The following RHCE variants were observed in gnomAD, a reference collection of about 807,000 sequenced individuals.
RHCE encodes the protein Rh blood group CcEe antigens.
Under a neutral mutation model 43.8 loss-of-function variants are expected in RHCE, and 22 were observed. The observed-to-expected ratio is 0.50, with a 90% CI of 0.36 to 0.72. The LOEUF (loss-of-function observed/expected upper bound fraction) is 0.72. Among genes scored for constraint, RHCE ranks in the 30% least tolerant of loss-of-function variants. RHCE has a pLI of 0.00. For missense variants in RHCE, 385 were observed against 525.4 expected (o/e 0.73, Z 2.61); for synonymous variants, 156 against 210.7 (o/e 0.74, Z 2.25).
At chr1:25,385,925 C>A in intron 6 of RHCE, 81 bp from the exon 7 acceptor site, 1 of 1,608,324 alleles carries the variant, frequency 6.2e-7, no homozygotes, top group Non-Finnish European at 8.5e-7. Context: ...CCCTTGGTAT[C>A]CGGCGCCACC....
intron 6 of RHCE, among the ~76,000 whole-genome samples, chr1:25,386,523 T>C (rs557130560): frequency 6.6e-6 from 1 of 152,206 alleles, no homozygotes; most frequent in South Asian, 2.1e-4. Flanking sequence ...CCATTAGTCT[T>C]CAGAATAAAA....
In RHCE at chr1:25,388,692, C is replaced by G. The variant is rs376213950; in HGVS notation, c.939+284G>C. Among the ~76,000 whole-genome samples, 23 of 152,328 alleles carry G rather than the reference C, an allele frequency of 1.5e-4. No individual in the cohort carries two copies. In the South Asian group the frequency reaches 4.3e-3, roughly 29 times the overall value. On this transcript the variant is annotated intron_variant, in intron 6 of 9. Coordinates refer to ENST00000294413, the MANE Select transcript of RHCE (RefSeq NM_020485.8). ...AAAACAGGGGCTTCTGGGCTCCCCA[C>G]AACACTCCAGTCCCTGTCCTTGAGT...
chr1:25,418,800 T>C (rs2042678846), intron 1 of RHCE, among the ~76,000 whole-genome samples: 1 of 152,164 alleles, frequency 6.6e-6, no homozygotes, highest in Non-Finnish European at 1.5e-5. Flanking sequence ...GACACCATCG[T>C]CTCCCCTGCC....
intron 1 of RHCE, among the ~76,000 whole-genome samples, chr1:25,417,125 G>C (rs1269886720): frequency 7.5e-6 from 1 of 132,702 alleles, no homozygotes; most frequent in Non-Finnish European, 1.6e-5. Context: ...CTCTCTAACA[G>C]ATAGAGCCTT....
rs374591957 is a variant in RHCE, at chr1:25,392,043, C to A, written c.585G>T (p.Thr195=). 3.2e-5 allele frequency: 52 copies of A among 1,614,056 alleles called. No individual in the cohort carries two copies. Among genetic ancestry groups the A allele is most frequent in the Non-Finnish European group, 4.1e-5 (48 of 1,180,048 alleles). The change falls in exon 4 of 10, where the codon ACG becomes ACT. Residue 195 remains threonine (T), a synonymous_variant. Transcript: ENST00000294413. ...TCGTTGCTCTCTGATCATTATCCTC[C>A]GTTCCCTTGGGTAGAGGCTTTGGCA... is the stretch of plus-strand genomic sequence containing the variant. The part of the protein sequence containing the change: ...WCLPKPLPKG[T]EDNDQRATIP...
intron 2 of RHCE, among the ~76,000 whole-genome samples, chr1:25,404,883 A>T (rs1236935277): frequency 6.6e-6 from 1 of 151,986 alleles, no homozygotes; most frequent in Non-Finnish European, 1.5e-5. Flanking sequence ...AGATTTCAAA[A>T]TACATTAAAA....
rs116261244 is a variant in RHCE, at chr1:25,385,778, C to A, written c.1006G>T (p.Gly336Cys). 3,430 of 1,613,788 alleles carry A rather than the reference C, an allele frequency of 2.1e-3. 76 individuals carry two copies. The African/African-American group carries it at 0.041, about 19-fold the overall frequency. ...SVMHSIFSLL[G>C]LLGEITYIVL... is the part of the protein sequence containing the mutation. ...ATGTAGGTGATCTCTCCAAGCAGACCCAGCAAGCTGAAGATGGAGTGCATG... is the reference window on the plus strand; with the variant it reads ...ATGTAGGTGATCTCTCCAAGCAGACACAGCAAGCTGAAGATGGAGTGCATG... The change falls in exon 7 of 10, where the codon GGT becomes TGT. Residue 336 changes from glycine to cysteine, a missense_variant. By Grantham distance (159) the Gly-to-Cys change is radical. Transcript: ENST00000294413.
chr1:25,393,724 C>T (rs919951596), intron 3 of RHCE, among the ~76,000 whole-genome samples: 4 of 151,980 alleles, frequency 2.6e-5, no homozygotes, highest in African/African-American at 4.8e-5. Flanking sequence ...GTTCTTGCCA[C>T]GACCCTGCAG....
At chr1:25,392,272 A>G (rs545224454) in intron 3 of RHCE, 131 bp from the exon 4 acceptor site, 44 of 1,475,854 alleles carry the variant, frequency 3.0e-5, no homozygotes, top group Non-Finnish European at 3.8e-5. Flanking sequence ...TGGTGTTCAG[A>G]GCTTACCCAG....
At chr1:25,429,231 T>G (rs1325018304) in intron 1 of RHCE, among the ~76,000 whole-genome samples, 1 of 146,622 alleles carries the variant, frequency 6.8e-6, no homozygotes, top group Non-Finnish European at 1.5e-5. Context: ...GTTTTTTTTT[T>G]TTTTTTTTTT....
At chr1:25,386,481 A>T (rs1374939440) in intron 6 of RHCE, among the ~76,000 whole-genome samples, 2 of 152,178 alleles carry the variant, frequency 1.3e-5, no homozygotes, top group Non-Finnish European at 2.9e-5. Context: ...ACATATGCAA[A>T]TTCAGTCAGG....
upstream of RHCE, among the ~76,000 whole-genome samples, chr1:25,422,444 C>T (rs556570447): frequency 2.6e-5 from 4 of 152,324 alleles, no homozygotes; most frequent in Admixed American, 1.3e-4. Context: ...ACCACTAAAA[C>T]ATTGGTTAAT....
intron 1 of RHCE, among the ~76,000 whole-genome samples, chr1:25,415,904 G>A (rs1647376161): frequency 6.6e-6 from 1 of 151,910 alleles, no homozygotes; most frequent in African/African-American, 2.4e-5. Flanking sequence ...ACAGATTGCT[G>A]GGCCCCAGGC....
chr1:25,392,221 T>C, intron 3 of RHCE, 80 bp from the exon 4 acceptor site: 2 of 1,610,228 alleles, frequency 1.2e-6, no homozygotes, highest in Non-Finnish European at 1.7e-6. Context: ...TGGAGAAAGT[T>C]CAGAGCTTCA....
At chr1:25,383,216 G>C (rs1467555881) in intron 7 of RHCE, among the ~76,000 whole-genome samples, 1 of 152,206 alleles carries the variant, frequency 6.6e-6, no homozygotes, top group Non-Finnish European at 1.5e-5. Flanking sequence ...AAATCCCACA[G>C]TTTGTGGGAA....
intron 1 of RHCE, among the ~76,000 whole-genome samples, chr1:25,414,617 T>A (rs1312827887): frequency 3.3e-5 from 5 of 152,130 alleles, no homozygotes; most frequent in African/African-American, 1.2e-4. Flanking sequence ...TAGTAGCCCC[T>A]CTCTCTGCCT....
chr1:25,388,961 T>C lies in RHCE; in HGVS notation c.939+15A>G. On this transcript the variant is annotated intron_variant, in intron 6 of 9. Coordinates refer to ENST00000294413, the MANE Select transcript of RHCE (RefSeq NM_020485.8). ...TTCAGCCAAAGCAGAGAGCATTAGT[T>C]GTCTAGTTTCTTACCGGCAGGCACT... 6.2e-7 allele frequency: 1 copy of C among 1,614,146 alleles called. No homozygotes were observed. The highest frequency in any genetic ancestry group is 8.5e-7 in the Non-Finnish European group (1 of 1,180,010).
chr1:25,385,727 A>T lies in RHCE; in HGVS notation c.1057T>A (p.Trp353Arg). ...GTGACCCACATGCCATTGCCGTTCC[A>T]GACAGTATGAAGCACCAGCAGCACA... Reference protein sequence around the residue: ...YIVLLVLHTVWNGNGMIGFQV... With the variant: ...YIVLLVLHTVRNGNGMIGFQV... The change falls in exon 7 of 10, where the codon TGG becomes AGG. Residue 353 changes from tryptophan to arginine, a missense_variant. Trp to Arg is a moderately radical substitution (Grantham distance 101). Coordinates refer to ENST00000294413, the MANE Select transcript of RHCE (RefSeq NM_020485.8). 6.2e-7 allele frequency: 1 copy of T among 1,614,036 alleles called. No individual in the cohort carries two copies. The highest frequency in any genetic ancestry group is 8.5e-7 in the Non-Finnish European group (1 of 1,180,006).
chr1:25,375,791 CTTTTTTTT>C (rs1168607618), intron 7 of RHCE, among the ~76,000 whole-genome samples: 1 of 123,470 alleles, frequency 8.1e-6, no homozygotes, highest in Admixed American at 7.8e-5. Flanking sequence ...CTCTCTCTCT[CTTTTTTTT>C]TTTTTTTTTT....
Sources: allele counts gnomAD v4.1 joint callset (sites outside exome capture counted in the v4.1 genomes callset), GRCh38; gene constraint gnomAD v4.1.1; transcripts MANE v1.5; gene names NCBI Gene and HGNC (gene_info 2026-07-23, HGNC 2026-07-21).